Variants in PEPD observed in about 807,000 individuals in gnomAD.
PEPD encodes peptidase D.
PEPD carries 53 observed loss-of-function variants against 60.7 expected under a neutral mutation model. The observed-to-expected ratio is 0.87, with a 90% confidence interval of 0.70 to 1.10. The LOEUF is 1.10. Ranked by LOEUF, PEPD falls within the 50% of genes least tolerant of loss-of-function variation. PEPD has a pLI of 0.00. For missense variants in PEPD, 711 were observed against 711.9 expected (o/e 1.00, Z 0.01); for synonymous variants, 267 against 284.1 (o/e 0.94, Z 0.60).
chr19:33,448,991 G>C (rs908404287), intron 9 of PEPD, among the ~76,000 whole-genome samples: 2 of 152,166 alleles, frequency 1.3e-5, no homozygotes, highest in South Asian at 4.1e-4. Flanking sequence ...TGGAGAATGA[G>C]AGGTGGGGAC....
At chr19:33,396,713 G>C (rs980677412) in intron 12 of PEPD, among the ~76,000 whole-genome samples, 1 of 151,980 alleles carries the variant, frequency 6.6e-6, no homozygotes, top group East Asian at 2.0e-4. Flanking sequence ...GGAGGGTGGG[G>C]GGGTGAGGAG....
chr19:33,460,253 G>A (rs575660465), intron 9 of PEPD, among the ~76,000 whole-genome samples: 100 of 152,256 alleles, frequency 6.6e-4, no homozygotes, highest in African/African-American at 2.3e-3. Flanking sequence ...CAGACACCGC[G>A]CAGATAAATG....
chr19:33,436,516 G>A lies in PEPD; in HGVS notation c.672-22873C>T, dbSNP rs148400812. Among the ~76,000 whole-genome samples, 32 of 152,338 alleles carry A rather than the reference G, an allele frequency of 2.1e-4. 1 individual carries two copies. The East Asian group carries it at 5.0e-3, about 24-fold the overall frequency. ...GAGCCAAGTTCCTGCCTGGCAGGCC[G>A]CACTCGAGAGACCCACCCCACTCCC... On this transcript the variant is annotated intron_variant, in intron 9 of 14. Transcript: ENST00000244137.
intron 7 of PEPD, among the ~76,000 whole-genome samples, chr19:33,465,202 C>T (rs1334994040): frequency 1.3e-5 from 2 of 152,174 alleles, no homozygotes; most frequent in African/African-American, 4.8e-5. Context: ...GCAGACACCA[C>T]GTCATCCATA....
At chr19:33,515,811 A>G (rs924037948) in intron 1 of PEPD, among the ~76,000 whole-genome samples, 2 of 151,894 alleles carry the variant, frequency 1.3e-5, no homozygotes, top group African/African-American at 4.8e-5. Flanking sequence ...CTCCTTAATC[A>G]TAACAGGTGC....
intron 12 of PEPD, among the ~76,000 whole-genome samples, chr19:33,398,125 C>T (rs1347816803): frequency 1.3e-5 from 2 of 152,224 alleles, no homozygotes; most frequent in South Asian, 2.1e-4. Context: ...CCCTATGCTG[C>T]GTCAATCCGC....
chr19:33,409,695 G>A lies in PEPD; in HGVS notation c.818+1977C>T, dbSNP rs562721204. ...CTCTTAAAAAGTTTCAGGACACCAG[G>A]TGGTGTCTGGAGCCACTGGTGGGTC... On this transcript the variant is annotated intron_variant, in intron 11 of 14. Coordinates refer to ENST00000244137, the MANE Select transcript of PEPD (RefSeq NM_000285.4). 5.3e-5 allele frequency among the ~76,000 whole-genome samples: 8 copies of A among 152,268 alleles called. No individual in the cohort carries two copies. The South Asian group carries it at 1.7e-3, about 32-fold the overall frequency.
intron 9 of PEPD, among the ~76,000 whole-genome samples, chr19:33,416,343 G>C (rs746686463): frequency 4.6e-5 from 7 of 152,168 alleles, no homozygotes; most frequent in Non-Finnish European, 7.3e-5. Flanking sequence ...CATCCCTGGA[G>C]CAGGCTAGCT....
At chr19:33,422,834 C>T (rs553437360) in intron 9 of PEPD, among the ~76,000 whole-genome samples, 1 of 132,534 alleles carries the variant, frequency 7.5e-6, no homozygotes, top group East Asian at 2.0e-4. Context: ...ATCTATCTAT[C>T]TATCCATCTA....
At chr19:33,419,082 C>G (rs1214623647) in intron 9 of PEPD, among the ~76,000 whole-genome samples, 7 of 152,176 alleles carry the variant, frequency 4.6e-5, no homozygotes, top group Non-Finnish European at 7.4e-5. Flanking sequence ...TCCTGGCCCA[C>G]AGACAGAGAC....
chr19:33,399,108 C>A (rs1968431623), intron 12 of PEPD, among the ~76,000 whole-genome samples: 1 of 152,156 alleles, frequency 6.6e-6, no homozygotes, highest in Non-Finnish European at 1.5e-5. Flanking sequence ...CGTGCCTTGG[C>A]CTCCCGAGTA....
intron 7 of PEPD, among the ~76,000 whole-genome samples, chr19:33,467,391 G>T (rs1208216714): frequency 3.3e-5 from 5 of 151,678 alleles, no homozygotes; most frequent in Non-Finnish European, 7.4e-5. Context: ...CCCCAAACAG[G>T]TAAGATTTAC....
At position 33,388,004 on chromosome 19, in the gene PEPD, G is replaced by T; in HGVS notation, c.1230C>A (p.Thr410=). Reference sequence around the variant, plus strand: ...CGATGAAGTAGATGCCCGGCTCCACGGTGAGCACCATGCCTGGCTGCAGGT... The same window carrying T: ...CGATGAAGTAGATGCCCGGCTCCACTGTGAGCACCATGCCTGGCTGCAGGT... ...ARHLQPGMVL[T]VEPGIYFIDH... Residue 410 remains threonine (T), a synonymous_variant, in exon 14 of 15, where the codon ACC becomes ACA. Transcript: ENST00000244137. 6.3e-7 allele frequency: 1 copy of T among 1,577,468 alleles called. No individual in the cohort carries two copies. Among genetic ancestry groups the T allele is most frequent in the Non-Finnish European group, 8.6e-7 (1 of 1,162,024 alleles).
At chr19:33,428,115 A>G (rs1229190183) in intron 9 of PEPD, among the ~76,000 whole-genome samples, 1 of 152,188 alleles carries the variant, frequency 6.6e-6, no homozygotes, top group Non-Finnish European at 1.5e-5. Flanking sequence ...GGAGCCAGGA[A>G]GTTCCTTGAC....
chr19:33,498,476 T>C (rs1477694488), intron 4 of PEPD, among the ~76,000 whole-genome samples: 1 of 152,166 alleles, frequency 6.6e-6, no homozygotes, highest in Non-Finnish European at 1.5e-5. Context: ...GAGCTGAATT[T>C]TCCCCCAGTT....
At chr19:33,395,390 C>G (rs1316099110) in intron 12 of PEPD, among the ~76,000 whole-genome samples, 2 of 152,032 alleles carry the variant, frequency 1.3e-5, no homozygotes, top group Admixed American at 1.3e-4. Context: ...TCTCATGGCT[C>G]TCCTGCAGCC....
rs749640022 is a variant in PEPD at position 33,387,928 on chromosome 19, TAAG to T, written c.1303_1305del (p.Leu435del). 8.8e-6 allele frequency: 14 copies of T among 1,594,630 alleles called. No homozygotes were observed. Among genetic ancestry groups the T allele is most frequent in the Non-Finnish European group, 1.2e-5 (14 of 1,171,426 alleles). ...CGAAAGCGCTGCAGGACCTCGCGGT[TAAG>T]GAAGGAGGCGCGGGCCGGGTCCGCC... is the stretch of plus-strand genomic sequence containing the variant. On this transcript the variant is annotated inframe_deletion, in exon 14 of 15. Coordinates refer to ENST00000244137, the MANE Select transcript of PEPD (RefSeq NM_000285.4).
chr19:33,401,144 G>A (rs1334412867), intron 12 of PEPD, among the ~76,000 whole-genome samples: 2 of 152,234 alleles, frequency 1.3e-5, no homozygotes, highest in African/African-American at 2.4e-5. Flanking sequence ...AGAAACACCA[G>A]GCCCATCCTG....
In PEPD at chr19:33,413,629, T is replaced by C. The variant is rs757233987; in HGVS notation, c.686A>G (p.Tyr229Cys). 9 of 1,587,726 alleles carry C rather than the reference T, an allele frequency of 5.7e-6. No individual in the cohort carries two copies. Among genetic ancestry groups the C allele is most frequent in the South Asian group, 1.1e-5 (1 of 87,068 alleles). Residue 229 changes from tyrosine (Y) to cysteine (C), a missense_variant, in exon 10 of 15, where the codon TAC (tyrosine) becomes TGC (cysteine). Transcript: ENST00000244137. ...EYELESLFEHYCYSRGGMRHS... is the reference protein window; with the variant it reads ...EYELESLFEHCCYSRGGMRHS... ...GCGCATGCCGCCCCGGGAGTAGCAGTAGTGCTCGAAGAGGCTGCAGGGGGA... is the reference window on the plus strand; with the variant it reads ...GCGCATGCCGCCCCGGGAGTAGCAGCAGTGCTCGAAGAGGCTGCAGGGGGA...
Sources: allele counts gnomAD v4.1 joint callset (sites outside exome capture counted in the v4.1 genomes callset), GRCh38; gene constraint gnomAD v4.1.1; transcripts MANE v1.5; gene names NCBI Gene and HGNC (gene_info 2026-07-23, HGNC 2026-07-21).